The following PCSK2 variants were observed in gnomAD, a reference collection of about 807,000 sequenced individuals.
The protein encoded by PCSK2 is proprotein convertase subtilisin/kexin type 2, also known as neuroendocrine convertase 2.
A neutral mutation model predicts 69.7 loss-of-function variants in PCSK2; 14 were observed. The observed-to-expected ratio is 0.20, with a 90% CI of 0.13 to 0.31. The LOEUF (loss-of-function observed/expected upper bound fraction) is 0.31, where lower values mean the gene tolerates loss of function less well. Ranked by LOEUF, PCSK2 falls within the 10% of genes least tolerant of loss-of-function variation. The pLI is 1.00. For synonymous variants in PCSK2, 307 were observed against 320.7 expected, an observed-to-expected ratio of 0.96 and a Z score of 0.46; for missense variants, 544 against 842.5, an observed-to-expected ratio of 0.65 and a Z score of 4.39.
At chr20:17,476,662 T>C (rs2033296177) in intron 11 of PCSK2, among the ~76,000 whole-genome samples, 1 of 152,248 alleles carries the variant, frequency 6.6e-6, no homozygotes, top group Admixed American at 6.5e-5. Flanking sequence ...CAGGAATTAA[T>C]AGCTCAGATC....
At chr20:17,261,800 C>A (rs887916088) in intron 2 of PCSK2, among the ~76,000 whole-genome samples, 1 of 152,268 alleles carries the variant, frequency 6.6e-6, no homozygotes, top group Admixed American at 6.5e-5. Flanking sequence ...TACACTTCAA[C>A]CCTATGCCAT....
At chr20:17,263,029 C>G (rs1489087407) in intron 2 of PCSK2, 1 of 325,326 alleles carries the variant, frequency 3.1e-6, no homozygotes, top group South Asian at 1.2e-4. Flanking sequence ...ACACAAAGCC[C>G]AGGGAGGGTG....
intron 3 of PCSK2, among the ~76,000 whole-genome samples, chr20:17,358,654 C>G (rs1019256567): frequency 3.5e-4 from 53 of 152,308 alleles, no homozygotes; most frequent in African/African-American, 1.2e-3. Context: ...CCCTTGTCTC[C>G]TAGGGTGGAG....
intron 2 of PCSK2, among the ~76,000 whole-genome samples, chr20:17,353,731 T>C (rs141967259): frequency 6.6e-6 from 1 of 152,136 alleles, no homozygotes; most frequent in East Asian, 1.9e-4. Context: ...TGCAAAGACA[T>C]GAAATCAACC....
At chr20:17,310,506 T>C (rs1017161598) in intron 2 of PCSK2, among the ~76,000 whole-genome samples, 1 of 152,120 alleles carries the variant, frequency 6.6e-6, no homozygotes, top group Non-Finnish European at 1.5e-5. Context: ...TCTTGACCTC[T>C]GAGATGCCAA....
chr20:17,310,096 G>T (rs547792732), intron 2 of PCSK2, among the ~76,000 whole-genome samples: 1 of 152,008 alleles, frequency 6.6e-6, no homozygotes, highest in East Asian at 1.9e-4. Flanking sequence ...AAAGAGCAAG[G>T]GGGGAGGTGC....
At chr20:17,443,186 T>C (rs1282260423) in intron 8 of PCSK2, among the ~76,000 whole-genome samples, 1 of 152,166 alleles carries the variant, frequency 6.6e-6, no homozygotes, top group African/African-American at 2.4e-5. Flanking sequence ...CAGCTAAATG[T>C]CCATTGCTAC....
chr20:17,345,717 T>C (rs1990632805), intron 2 of PCSK2, among the ~76,000 whole-genome samples: 1 of 152,196 alleles, frequency 6.6e-6, no homozygotes, highest in Non-Finnish European at 1.5e-5. Flanking sequence ...AGTTCTTTCT[T>C]ACTTGAAATT....
At chr20:17,356,595 C>T (rs2030205322) in intron 2 of PCSK2, among the ~76,000 whole-genome samples, 1 of 152,136 alleles carries the variant, frequency 6.6e-6, no homozygotes. Flanking sequence ...GCCCTGCTGT[C>T]CTTCTCTCAT....
intron 11 of PCSK2, among the ~76,000 whole-genome samples, chr20:17,475,335 G>A (rs140342959): frequency 4.6e-5 from 7 of 151,806 alleles, no homozygotes; most frequent in African/African-American, 1.7e-4. Flanking sequence ...CACAGCCCAG[G>A]GAAGGGGATC....
At chr20:17,374,206 G>A (rs75592815) in intron 5 of PCSK2, among the ~76,000 whole-genome samples, 6,738 of 152,258 alleles carry the variant, frequency 0.044, 173 homozygotes, top group South Asian at 0.1. Context: ...TAGAGAAGTC[G>A]GCAGGTCAGT....
At chr20:17,394,398 G>A (rs1406177162) in intron 5 of PCSK2, among the ~76,000 whole-genome samples, 4 of 152,190 alleles carry the variant, frequency 2.6e-5, no homozygotes, top group Non-Finnish European at 5.9e-5. Context: ...GGAAAAGCGA[G>A]GGATATCTGT....
intron 5 of PCSK2, among the ~76,000 whole-genome samples, chr20:17,406,585 A>G (rs1344950485): frequency 6.6e-6 from 1 of 152,196 alleles, no homozygotes; most frequent in Non-Finnish European, 1.5e-5. Flanking sequence ...AGAACTCTCC[A>G]GGTCCTGCTT....
chr20:17,449,545 T>TATATATATATATATGTATGTA (rs1394693452), intron 8 of PCSK2, among the ~76,000 whole-genome samples: 1 of 149,812 alleles, frequency 6.7e-6, no homozygotes, highest in African/African-American at 2.5e-5. Flanking sequence ...TATATGTATA[T>TATATATATATATATGTATGTA]TTGAGACTGA....
At chr20:17,339,684 GTTTA>G (rs1286809907) in intron 2 of PCSK2, among the ~76,000 whole-genome samples, 2 of 152,036 alleles carry the variant, frequency 1.3e-5, no homozygotes, top group African/African-American at 4.8e-5. Context: ...CAACGGTTCT[GTTTA>G]TTTGTTTGTT....
rs138352470 is a variant in PCSK2 at position 17,285,075 on chromosome 20, T to A, written c.282+24731T>A. Among the ~76,000 whole-genome samples the A allele has an allele frequency of 1.8e-3, 276 of 152,318 alleles. 1 individual carries two copies. Among genetic ancestry groups the A allele is most frequent in the African/African-American group, 6.4e-3 (267 of 41,570 alleles). On this transcript the variant is annotated intron_variant, in intron 2 of 11. Transcript: ENST00000262545. ...GTGGTCAGGATCAGTGCTCTGTGAC[T>A]ATCAGGTTCAAGGAAGTGGGTAAAA...
chr20:17,472,519 G>A (rs1453320527), intron 11 of PCSK2, among the ~76,000 whole-genome samples: 1 of 152,228 alleles, frequency 6.6e-6, no homozygotes, highest in Non-Finnish European at 1.5e-5. Context: ...AAGAGTGGCT[G>A]TCATTGTTAC....
intron 2 of PCSK2, among the ~76,000 whole-genome samples, chr20:17,286,579 A>T (rs1428886646): frequency 6.6e-6 from 1 of 152,216 alleles, no homozygotes; most frequent in East Asian, 1.9e-4. Flanking sequence ...ATCTACTAAG[A>T]TGTACCTGGA....
At chr20:17,276,629 CA>C (rs915681628) in intron 2 of PCSK2, among the ~76,000 whole-genome samples, 4 of 152,054 alleles carry the variant, frequency 2.6e-5, no homozygotes, top group African/African-American at 9.7e-5. Flanking sequence ...CTCTCTCAAA[CA>C]GCTTTTTGTT....
Sources: allele counts gnomAD v4.1 joint callset (sites outside exome capture counted in the v4.1 genomes callset), GRCh38; gene constraint gnomAD v4.1.1; transcripts MANE v1.5; gene names NCBI Gene and HGNC (gene_info 2026-07-23, HGNC 2026-07-21).